CSMD3: variants seen among roughly 807,000 people sequenced by gnomAD.
The protein encoded by CSMD3 is CUB and Sushi multiple domains 3.
Under a neutral mutation model 435.2 loss-of-function variants are expected in CSMD3, and 177 were observed. The observed-to-expected ratio is 0.41, with a 90% CI of 0.36 to 0.46. The LOEUF is 0.46. Among genes scored for constraint, CSMD3 ranks in the 20% least tolerant of loss-of-function variants. The pLI is 0.34. For synonymous variants in CSMD3, 1,656 were observed against 1,520.5 expected (o/e 1.09, Z -2.07); for missense variants, 4,265 against 4,504.6 (o/e 0.95, Z 1.52).
At chr8:113,028,374 A>T (rs955951819) in intron 5 of CSMD3, among the ~76,000 whole-genome samples, 3 of 151,512 alleles carry the variant, frequency 2.0e-5, no homozygotes, top group Non-Finnish European at 3.0e-5. Context: ...CAATATTGAA[A>T]GTGTGAAAAT....
chr8:112,405,230 TATATATATATATATATAC>T (rs1204006759), intron 35 of CSMD3, among the ~76,000 whole-genome samples: 11 of 102,918 alleles, frequency 1.1e-4, no homozygotes, highest in African/African-American at 3.8e-4. Flanking sequence ...TATATATATA[TATATATATATATATATAC>T]ATATATATAT....
At chr8:112,646,379 TGTGTTTGTGTGTGTGTATATCTGC>T (rs558323561) in intron 19 of CSMD3, among the ~76,000 whole-genome samples, 286 of 152,294 alleles carry the variant, frequency 1.9e-3, no homozygotes, top group East Asian at 7.3e-3. Context: ...TGTATATCTG[TGTGTTTGTGTGTGTGTATATCTGC>T]GTGTTTGTGT....
intron 10 of CSMD3, among the ~76,000 whole-genome samples, chr8:112,887,424 T>A (rs1320066020): frequency 6.6e-6 from 1 of 151,360 alleles, no homozygotes; most frequent in Non-Finnish European, 1.5e-5. Context: ...CAGCTCTTTT[T>A]ATCTGCAACA....
intron 4 of CSMD3, among the ~76,000 whole-genome samples, chr8:113,147,313 A>G (rs1427537872): frequency 6.6e-6 from 1 of 151,734 alleles, no homozygotes; most frequent in Non-Finnish European, 1.5e-5. Context: ...CTCAAAAACT[A>G]TATATTGCAT....
chr8:112,596,858 T>G (rs1333323521), intron 22 of CSMD3, among the ~76,000 whole-genome samples: 1 of 151,592 alleles, frequency 6.6e-6, no homozygotes, highest in Non-Finnish European at 1.5e-5. Flanking sequence ...CTGGGACGCA[T>G]TCAAAGCAGT....
At chr8:112,445,838 T>C (rs1815540059) in intron 32 of CSMD3, among the ~76,000 whole-genome samples, 1 of 152,198 alleles carries the variant, frequency 6.6e-6, no homozygotes, top group African/African-American at 2.4e-5. Flanking sequence ...TATTTCATAA[T>C]CTAGTGCCTA....
intron 13 of CSMD3, among the ~76,000 whole-genome samples, chr8:112,756,829 C>T (rs1030065571): frequency 3.3e-5 from 5 of 149,516 alleles, no homozygotes; most frequent in East Asian, 2.0e-4. Flanking sequence ...AGTGCAATGG[C>T]GCAATCTCTG....
At chr8:112,490,715 T>A (rs1052263898) in intron 31 of CSMD3, among the ~76,000 whole-genome samples, 1 of 152,176 alleles carries the variant, frequency 6.6e-6, no homozygotes, top group African/African-American at 2.4e-5. Flanking sequence ...CAAATGATCA[T>A]TGACAGTAAA....
chr8:112,755,057 C>A (rs1587188001), intron 13 of CSMD3, among the ~76,000 whole-genome samples: 2 of 152,146 alleles, frequency 1.3e-5, no homozygotes, highest in South Asian at 2.1e-4. Flanking sequence ...GCGGGCCAGG[C>A]GAGGTGGCTC....
intron 3 of CSMD3, among the ~76,000 whole-genome samples, chr8:113,199,501 A>T (rs1417620680): frequency 6.6e-6 from 1 of 151,812 alleles, no homozygotes; most frequent in East Asian, 1.9e-4. Context: ...GCTCTATTTA[A>T]TAACACCTTA....
intron 5 of CSMD3, among the ~76,000 whole-genome samples, chr8:113,049,831 A>G (rs771228337): frequency 7.9e-5 from 12 of 152,316 alleles, no homozygotes; most frequent in Middle Eastern, 6.8e-3. Context: ...CAGGGATTAC[A>G]TGGGTGTATG....
Position 112,346,134 on chromosome 8 carries a change from T to A in CSMD3, c.6405A>T (p.Leu2135Phe). 6.2e-7 allele frequency: 1 copy of A among 1,612,630 alleles called. No individual in the cohort carries two copies. The highest frequency in any genetic ancestry group is 8.5e-7 in the Non-Finnish European group (1 of 1,178,698). ...GTAGATTTATTGTCCATGTGCAATC[T>A]AAACTGCTGGGATAGTTTCCAGGAA... ...PGFPGNYPSS[L>F]DCTWTINLPI... Residue 2135 changes from leucine to phenylalanine, a missense_variant, in exon 41 of 71, where the codon TTA (leucine) becomes TTT (phenylalanine). Coordinates refer to ENST00000297405, the MANE Select transcript of CSMD3 (RefSeq NM_198123.2).
chr8:112,309,399 T>C (rs1176498810), intron 50 of CSMD3, among the ~76,000 whole-genome samples: 2 of 151,756 alleles, frequency 1.3e-5, no homozygotes, highest in African/African-American at 4.8e-5. Flanking sequence ...AGTTTAAAAT[T>C]AAAAACAATT....
chr8:113,348,199 T>C (rs2132889796), intron 1 of CSMD3, among the ~76,000 whole-genome samples: 1 of 152,326 alleles, frequency 6.6e-6, no homozygotes, highest in East Asian at 1.9e-4. Flanking sequence ...TAAGGTCCGT[T>C]ATTAATGTAT....
At chr8:112,786,938 G>A (rs759691677) in intron 13 of CSMD3, among the ~76,000 whole-genome samples, 9 of 152,032 alleles carry the variant, frequency 5.9e-5, no homozygotes, top group African/African-American at 1.9e-4. Context: ...CTATGTCCAT[G>A]TGCTCTCGTT....
intron 16 of CSMD3, among the ~76,000 whole-genome samples, chr8:112,672,688 C>A (rs1313977989): frequency 3.3e-5 from 5 of 151,970 alleles, no homozygotes; most frequent in African/African-American, 7.3e-5. Flanking sequence ...CTTTTTGTAG[C>A]AATGAAAACA....
chr8:112,590,445 G>A (rs915873824), intron 22 of CSMD3, among the ~76,000 whole-genome samples: 3 of 151,950 alleles, frequency 2.0e-5, no homozygotes, highest in African/African-American at 7.2e-5. Flanking sequence ...ATTATTGGAG[G>A]GGGTGGGAGA....
chr8:112,262,328 T>C (rs1320567307), intron 61 of CSMD3, among the ~76,000 whole-genome samples: 1 of 152,112 alleles, frequency 6.6e-6, no homozygotes, highest in Admixed American at 6.6e-5. Flanking sequence ...CCTACATCAA[T>C]ACCATACTGT....
intron 38 of CSMD3, among the ~76,000 whole-genome samples, chr8:112,367,530 CT>C (rs1433977532): frequency 6.6e-6 from 1 of 152,134 alleles, no homozygotes; most frequent in African/African-American, 2.4e-5. Context: ...TCCTCTACTC[CT>C]TTTTCTCTCT....
Sources: allele counts gnomAD v4.1 joint callset (sites outside exome capture counted in the v4.1 genomes callset), GRCh38; gene constraint gnomAD v4.1.1; transcripts MANE v1.5; gene names NCBI Gene and HGNC (gene_info 2026-07-23, HGNC 2026-07-21).